The following GABPB2 variants were observed in gnomAD, a reference collection of about 807,000 sequenced individuals.
GABPB2 encodes GA-binding protein subunit beta-2.
In GABPB2, 23 loss-of-function variants were observed where a neutral mutation model predicts 39.1. The observed-to-expected ratio is 0.59, with a 90% CI of 0.42 to 0.83. The LOEUF (loss-of-function observed/expected upper bound fraction) is 0.83, where lower values mean the gene tolerates loss of function less well. Among genes scored for constraint, GABPB2 ranks in the 40% least tolerant of loss-of-function variants. GABPB2 has a pLI of 0.00. For synonymous variants in GABPB2, 184 were observed against 199.3 expected, an observed-to-expected ratio of 0.92 and a Z score of 0.65; for missense variants, 467 against 541.1, an observed-to-expected ratio of 0.86 and a Z score of 1.36.
At chr1:151,108,162 G>A (rs957470809) in intron 7 of GABPB2, among the ~76,000 whole-genome samples, 1 of 152,002 alleles carries the variant, frequency 6.6e-6, no homozygotes, top group Admixed American at 6.6e-5. Context: ...ATGTACCTTT[G>A]GGTTTTTTTG....
At chr1:151,104,802 T>TTTCTTTCTTTCTTTCTTTCTTTTTC (rs10638922) in intron 6 of GABPB2, among the ~76,000 whole-genome samples, 1 of 139,360 alleles carries the variant, frequency 7.2e-6, no homozygotes, top group Non-Finnish European at 1.5e-5. Flanking sequence ...TCTTTCTTTC[T>TTTCTTTCTTTCTTTCTTTCTTTTTC]TTTCTTTCTT....
intron 7 of GABPB2, among the ~76,000 whole-genome samples, chr1:151,116,796 A>G (rs2101576126): frequency 6.6e-6 from 1 of 151,968 alleles, no homozygotes; most frequent in Middle Eastern, 3.4e-3. Flanking sequence ...TTTTTTGCGG[A>G]GACAGTGTTT....
In GABPB2 at chr1:151,117,581, C is replaced by T. The variant is rs190521117; in HGVS notation, c.1047+65C>T. ...AATTATTAAGGCCTGAACCCTTCTT[C>T]ATCTTTTCTTTTTTCTTTTTGAGAC... On this transcript the variant is annotated intron_variant, in intron 8 of 8. Coordinates refer to ENST00000368918, the MANE Select transcript of GABPB2 (RefSeq NM_144618.3). 2,974 of 1,536,874 alleles carry T rather than the reference C, an allele frequency of 1.9e-3. 10 individuals are homozygous for T. The highest frequency in any genetic ancestry group is 7.4e-3 in the East Asian group (329 of 44,168).
chr1:151,090,400 C>G lies in GABPB2; in HGVS notation c.109-6C>G. On this transcript the variant is annotated splice_polypyrimidine_tract_variant and splice_region_variant and intron_variant, in intron 2 of 8. Coordinates refer to ENST00000368918, the MANE Select transcript of GABPB2 (RefSeq NM_144618.3). ...TGGATATTCAATGAGCATTATTTTTCCACAGCTTGGAACATCACCCCTCCA... is the reference window on the plus strand; with the variant it reads ...TGGATATTCAATGAGCATTATTTTTGCACAGCTTGGAACATCACCCCTCCA... The G allele has an allele frequency of 1.2e-6, 2 of 1,612,970 alleles. No homozygotes were observed. The highest frequency in any genetic ancestry group is 1.7e-6 in the Non-Finnish European group (2 of 1,179,356).
chr1:151,079,812 CT>C (rs1302908958), intron 1 of GABPB2, among the ~76,000 whole-genome samples: 1 of 152,002 alleles, frequency 6.6e-6, no homozygotes, highest in Non-Finnish European at 1.5e-5. Flanking sequence ...AGGAGAATCG[CT>C]TGAACCTAGG....
intron 1 of GABPB2, among the ~76,000 whole-genome samples, chr1:151,086,104 G>T (rs1227801790): frequency 6.6e-6 from 1 of 152,048 alleles, no homozygotes; most frequent in Non-Finnish European, 1.5e-5. Context: ...AATTAGCTGG[G>T]CATGGTGGTG....
rs947209001 is a variant in GABPB2, at chr1:151,125,413, A to T, written c.*7157A>T. On this transcript the variant is annotated 3_prime_UTR_variant, in exon 9 of 9. Coordinates refer to ENST00000368918, the MANE Select transcript of GABPB2 (RefSeq NM_144618.3). ...CTTTATTTAGGGTTTTATTCTGATG[A>T]GCAAGTTTGTGTGTATATGTGTGTA... The T allele has an allele frequency of 2.6e-5, 4 of 152,094 alleles. No individual in the cohort carries two copies. Among genetic ancestry groups the T allele is most frequent in the African/African-American group, 9.7e-5 (4 of 41,384 alleles). 9.4% of individuals were successfully genotyped at this position (152,094 alleles called of 1,614,324 possible). A position where few individuals can be genotyped will look rare whatever the true frequency, so the allele number is the denominator to read the frequency against.
chr1:151,110,005 A>ATTTTTTTTTT lies in GABPB2; in HGVS notation c.922+2811_922+2820dup, dbSNP rs71577269. 3.8e-4 allele frequency among the ~76,000 whole-genome samples: 23 copies of ATTTTTTTTTT among 60,758 alleles called. 4 individuals are homozygous for ATTTTTTTTTT. The highest frequency in any genetic ancestry group is 6.6e-4 in the Non-Finnish European group (19 of 28,832). 39.9% of individuals were successfully genotyped at this position (60,758 alleles called of 152,430 possible). A position where few individuals can be genotyped will look rare whatever the true frequency, so the allele number is the denominator to read the frequency against. ...AATCATGTGCCACCATGCCCAGCTA[A>ATTTTTTTTTT]TTTTTTTTTTTTTTTTTTTTTTTTT... On this transcript the variant is annotated intron_variant, in intron 7 of 8. Coordinates refer to ENST00000368918, the MANE Select transcript of GABPB2 (RefSeq NM_144618.3).
intron 6 of GABPB2, among the ~76,000 whole-genome samples, chr1:151,106,596 C>A (rs1571968480): frequency 1.3e-5 from 2 of 152,204 alleles, no homozygotes; most frequent in African/African-American, 4.8e-5. Context: ...TCTTGGCCTC[C>A]CAAAGTGCTG....
intron 1 of GABPB2, among the ~76,000 whole-genome samples, chr1:151,071,443 C>G (rs1291790493): frequency 1.5e-4 from 7 of 46,368 alleles, no homozygotes. Flanking sequence ...CCCGCCTCTG[C>G]TTTTTTGCTC....
intron 7 of GABPB2, among the ~76,000 whole-genome samples, chr1:151,113,611 A>G (rs1417112017): frequency 1.3e-5 from 2 of 152,234 alleles, no homozygotes; most frequent in Non-Finnish European, 2.9e-5. Flanking sequence ...TTAAAGATTC[A>G]GTACAGTTCT....
chr1:151,108,411 A>T lies in GABPB2; in HGVS notation c.922+1189A>T, dbSNP rs1571973696. 2.6e-5 allele frequency among the ~76,000 whole-genome samples: 4 copies of T among 152,248 alleles called. No homozygotes were observed. In the East Asian group the frequency reaches 7.7e-4, roughly 29 times the overall value. ...GGTCTTGAACTCCAGACCTCAAGTG[A>T]TCCTCCCGCCTAAGCCTCCCAGAGT... On this transcript the variant is annotated intron_variant, in intron 7 of 8. Coordinates refer to ENST00000368918, the MANE Select transcript of GABPB2 (RefSeq NM_144618.3).
rs587594603 is a variant in GABPB2, at chr1:151,117,876, T to C, written c.1048-81T>C. The C allele has an allele frequency of 2.2e-6, 3 of 1,375,280 alleles. No homozygotes were observed. The Admixed American group carries it at 5.7e-5, about 26-fold the overall frequency. The allele number at this position is 1,375,280 out of a possible 1,614,324, so 85.2% of individuals were successfully genotyped here. A position where few individuals can be genotyped will look rare whatever the true frequency, so the allele number is the denominator to read the frequency against. On this transcript the variant is annotated intron_variant, in intron 8 of 8. Coordinates refer to ENST00000368918, the MANE Select transcript of GABPB2 (RefSeq NM_144618.3). ...TTGGATTATAGGTGTGAGGCACCGC[T>C]CCTGGCCTGTCTTTTTGTCTACTGT... is the stretch of plus-strand genomic sequence containing the variant.
At position 151,110,469 on chromosome 1, in the gene GABPB2, ATAC is replaced by A. The variant is rs989449598; in HGVS notation, c.922+3252_922+3254del. On this transcript the variant is annotated intron_variant, in intron 7 of 8. Coordinates refer to ENST00000368918, the MANE Select transcript of GABPB2 (RefSeq NM_144618.3). Reference sequence around the variant, plus strand: ...AATTGAGGTTTTACCTAAATAAACTATACTACTTTTTTATTTTTATTTTTTAAA... The same window carrying A: ...AATTGAGGTTTTACCTAAATAAACTATACTTTTTTATTTTTATTTTTTAAA... Among the ~76,000 whole-genome samples, 35 of 151,936 alleles carry A rather than the reference ATAC, an allele frequency of 2.3e-4. 1 individual carries two copies. Among genetic ancestry groups the A allele is most frequent in the Non-Finnish European group, 4.9e-4 (33 of 68,022 alleles).
intron 7 of GABPB2, among the ~76,000 whole-genome samples, chr1:151,107,988 A>G (rs886358213): frequency 5.9e-5 from 9 of 152,268 alleles, no homozygotes; most frequent in African/African-American, 2.2e-4. Context: ...TACTTCATTC[A>G]TAACGAGAAG....
At chr1:151,116,920 G>A (rs587635501) in intron 7 of GABPB2, among the ~76,000 whole-genome samples, 5 of 152,094 alleles carry the variant, frequency 3.3e-5, no homozygotes, top group African/African-American at 1.2e-4. Flanking sequence ...ATTTCTGGGC[G>A]GATTGATAAG....
intron 5 of GABPB2, among the ~76,000 whole-genome samples, chr1:151,101,519 A>T (rs1378882343): frequency 6.6e-6 from 1 of 152,048 alleles, no homozygotes; most frequent in Non-Finnish European, 1.5e-5. Context: ...AGTTGCAGTG[A>T]GCTGAGATCG....
chr1:151,101,742 C>T lies in GABPB2; in HGVS notation c.623-1820C>T, dbSNP rs587749994. Among the ~76,000 whole-genome samples, 7 of 152,120 alleles carry T rather than the reference C, an allele frequency of 4.6e-5. No individual in the cohort carries two copies. In the South Asian group the frequency reaches 1.2e-3, roughly 27 times the overall value. ...CAGGCAGGACAAAGAAGGGTAGATT[C>T]GGAACTGAGAGGCAATAAATTTGTA... is the stretch of plus-strand genomic sequence containing the variant. On this transcript the variant is annotated intron_variant, in intron 5 of 8. Coordinates refer to ENST00000368918, the MANE Select transcript of GABPB2 (RefSeq NM_144618.3).
chr1:151,084,040 T>G (rs1040630343), intron 1 of GABPB2, among the ~76,000 whole-genome samples: 9 of 150,106 alleles, frequency 6.0e-5, no homozygotes, highest in Non-Finnish European at 1.2e-4. Flanking sequence ...TGCCCATCCT[T>G]TTATTTTTAT....
Sources: allele counts gnomAD v4.1 joint callset (sites outside exome capture counted in the v4.1 genomes callset), GRCh38; gene constraint gnomAD v4.1.1; transcripts MANE v1.5; gene names NCBI Gene and HGNC (gene_info 2026-07-23, HGNC 2026-07-21).